Variants in CLCA4 observed in about 807,000 individuals in gnomAD.
CLCA4 encodes the protein chloride channel accessory 4.
CLCA4 carries 69 observed loss-of-function variants against 78.9 expected under a neutral mutation model. The observed-to-expected ratio is 0.87, with a 90% CI of 0.72 to 1.07. The LOEUF is 1.07. Among genes scored for constraint, CLCA4 ranks in the 50% least tolerant of loss-of-function variants. The pLI, the probability that CLCA4 is intolerant of heterozygous loss-of-function variation, is 0.00. For missense variants in CLCA4, 1,133 were observed against 1,095.8 expected (o/e 1.03, Z -0.48); for synonymous variants, 362 against 375.8 (o/e 0.96, Z 0.42).
chr1:86,573,675 A>G (rs1285127333), intron 9 of CLCA4, among the ~76,000 whole-genome samples: 1 of 152,056 alleles, frequency 6.6e-6, no homozygotes, highest in African/African-American at 2.4e-5. Flanking sequence ...AATTAGTGTG[A>G]GATATAGACT....
intron 1 of CLCA4, among the ~76,000 whole-genome samples, chr1:86,556,316 T>G (rs1349450238): frequency 6.6e-6 from 1 of 152,220 alleles, no homozygotes; most frequent in African/African-American, 2.4e-5. Flanking sequence ...TTTTGCCCAT[T>G]CAGTATAATG....
intron 8 of CLCA4, 148 bp from the exon 9 acceptor site, chr1:86,572,466 G>T: frequency 1.9e-6 from 1 of 533,160 alleles, no homozygotes; most frequent in Non-Finnish European, 3.3e-6. Context: ...GAGCATTTCA[G>T]AATTAACCTG....
Position 86,572,839 on chromosome 1 carries a change from A to T in CLCA4, c.1467+119A>T, listed in dbSNP as rs761846315. 181 of 701,040 alleles carry T rather than the reference A, an allele frequency of 2.6e-4. 1 individual carries two copies. Among genetic ancestry groups the T allele is most frequent in the Non-Finnish European group, 3.9e-4 (149 of 384,560 alleles). The allele number at this position is 701,040 out of a possible 1,614,324, so 43.4% of individuals were successfully genotyped here. ...AAAGTAAATTTTTAATTAAAATCTA[A>T]ACTTTAATCTTAAATAGAAATTACC... is the stretch of plus-strand genomic sequence containing the variant. On this transcript the variant is annotated intron_variant, in intron 9 of 13. Coordinates refer to ENST00000370563, the MANE Select transcript of CLCA4 (RefSeq NM_012128.4).
Position 86,570,448 on chromosome 1 carries a change from G to C in CLCA4, c.1183-629G>C, listed in dbSNP as rs1405235480. On this transcript the variant is annotated intron_variant, in intron 7 of 13. Transcript: ENST00000370563. Reference sequence around the variant, plus strand: ...AGGAAAAGGATACAAGCTACAAATTGAACTTAATAAGTATAATTTTAATAT... The same window carrying C: ...AGGAAAAGGATACAAGCTACAAATTCAACTTAATAAGTATAATTTTAATAT... Among the ~76,000 whole-genome samples the C allele has an allele frequency of 5.3e-5, 8 of 152,052 alleles. No individual in the cohort carries two copies. In the East Asian group the frequency reaches 1.5e-3, roughly 29 times the overall value.
At chr1:86,572,329 G>A (rs922078208) in intron 8 of CLCA4, among the ~76,000 whole-genome samples, 2 of 152,006 alleles carry the variant, frequency 1.3e-5, no homozygotes, top group Non-Finnish European at 2.9e-5. Context: ...TGTAAAGTTT[G>A]TGAGCTTTAA....
intron 6 of CLCA4, 112 bp downstream of exon 6, chr1:86,566,132 A>G: frequency 3.9e-6 from 3 of 774,834 alleles, no homozygotes; most frequent in Non-Finnish European, 5.9e-6. Flanking sequence ...ATAAAGTACC[A>G]TCACTGCCCA....
Position 86,560,323 on chromosome 1 carries a change from T to C in CLCA4, c.413T>C (p.Leu138Pro). ...TACATTCACTTCACCCCTGACCTTCTACTTGGAAAAAAACAAAATGAATAT... is the reference window on the plus strand; with the variant it reads ...TACATTCACTTCACCCCTGACCTTCCACTTGGAAAAAAACAAAATGAATAT... ...GEYIHFTPDL[L>P]LGKKQNEYGP... The change falls in exon 3 of 14, where the codon CTA becomes CCA. Residue 138 changes from leucine to proline, a missense_variant. Coordinates refer to ENST00000370563, the MANE Select transcript of CLCA4 (RefSeq NM_012128.4). 6.2e-7 allele frequency: 1 copy of C among 1,613,902 alleles called. No homozygotes were observed. The highest frequency in any genetic ancestry group is 8.5e-7 in the Non-Finnish European group (1 of 1,179,886).
At chr1:86,555,507 G>C (rs1212618941) in intron 1 of CLCA4, among the ~76,000 whole-genome samples, 3 of 152,068 alleles carry the variant, frequency 2.0e-5, no homozygotes, top group Non-Finnish European at 4.4e-5. Context: ...ATTAGATGGT[G>C]GTGGATGTGC....
chr1:86,568,582 C>T (rs1261207364), intron 7 of CLCA4, among the ~76,000 whole-genome samples: 5 of 151,838 alleles, frequency 3.3e-5, no homozygotes, highest in East Asian at 1.9e-4. Context: ...AAGTCTCCCC[C>T]GCTCAGTAAA....
intron 1 of CLCA4, chr1:86,553,331 TC>T: frequency 1.6e-6 from 1 of 631,594 alleles, no homozygotes; most frequent in Admixed American, 2.4e-5. Flanking sequence ...CCTTCAGTCC[TC>T]GTGCAAACAT....
intron 1 of CLCA4, among the ~76,000 whole-genome samples, chr1:86,555,633 A>G (rs987791632): frequency 1.3e-5 from 2 of 152,160 alleles, no homozygotes; most frequent in African/African-American, 4.8e-5. Context: ...AGGTAACATG[A>G]TGCCTCCAGT....
intron 8 of CLCA4, among the ~76,000 whole-genome samples, chr1:86,572,138 CTCTTT>C (rs1650367495): frequency 6.6e-6 from 1 of 151,980 alleles, no homozygotes; most frequent in African/African-American, 2.4e-5. Flanking sequence ...AATATAGCAG[CTCTTT>C]CATCTTTCTA....
At chr1:86,553,501 C>T (rs757006317) in intron 1 of CLCA4, among the ~76,000 whole-genome samples, 4 of 152,196 alleles carry the variant, frequency 2.6e-5, no homozygotes, top group Non-Finnish European at 5.9e-5. Flanking sequence ...CCGCTGGGTC[C>T]TCTGCTCAGC....
At chr1:86,562,227 G>A (rs962140013) in intron 3 of CLCA4, among the ~76,000 whole-genome samples, 1 of 152,234 alleles carries the variant, frequency 6.6e-6, no homozygotes, top group African/African-American at 2.4e-5. Flanking sequence ...ATGGGAGGCA[G>A]GGAAACCTGA....
intron 4 of CLCA4, among the ~76,000 whole-genome samples, chr1:86,565,041 CA>C (rs1650135632): frequency 6.6e-6 from 1 of 152,062 alleles, no homozygotes. Flanking sequence ...GGAGAGAACT[CA>C]ACCATTGTGT....
intron 1 of CLCA4, among the ~76,000 whole-genome samples, chr1:86,551,221 G>C (rs140990733): frequency 2.0e-5 from 3 of 151,918 alleles, no homozygotes; most frequent in African/African-American, 7.2e-5. Flanking sequence ...TGTTATATTC[G>C]TTCATTATGT....
intron 1 of CLCA4, among the ~76,000 whole-genome samples, chr1:86,558,366 C>T (rs1006138348): frequency 1.3e-5 from 2 of 152,078 alleles, no homozygotes; most frequent in African/African-American, 4.8e-5. Context: ...ATATTTAGTG[C>T]TTCTTTCAAG....
chr1:86,570,031 T>C (rs543515614), intron 7 of CLCA4, among the ~76,000 whole-genome samples: 2 of 152,136 alleles, frequency 1.3e-5, no homozygotes, highest in South Asian at 4.1e-4. Context: ...TTTTCCTCTC[T>C]TTCCGTTCGG....
At chr1:86,570,123 G>A (rs1292232359) in intron 7 of CLCA4, among the ~76,000 whole-genome samples, 2 of 151,928 alleles carry the variant, frequency 1.3e-5, no homozygotes, top group Non-Finnish European at 2.9e-5. Flanking sequence ...TGCAAAAATT[G>A]TAATAAGCGT....
Sources: allele counts gnomAD v4.1 joint callset (sites outside exome capture counted in the v4.1 genomes callset), GRCh38; gene constraint gnomAD v4.1.1; transcripts MANE v1.5; gene names NCBI Gene and HGNC (gene_info 2026-07-23, HGNC 2026-07-21).